NKAIN2: variants seen among roughly 807,000 people sequenced by gnomAD.
The protein encoded by NKAIN2 is sodium/potassium-transporting ATPase subunit beta-1-interacting protein 2.
A neutral mutation model predicts 32.6 loss-of-function variants in NKAIN2; 14 were observed. The ratio of observed to expected loss-of-function variants is 0.43; its 90% CI spans 0.28 to 0.67. The LOEUF (loss-of-function observed/expected upper bound fraction) is 0.67, where lower values mean the gene tolerates loss of function less well. Ranked by LOEUF, NKAIN2 falls within the 30% of genes least tolerant of loss-of-function variation. The pLI is 0.17. For missense variants in NKAIN2, 198 were observed against 258.3 expected, an observed-to-expected ratio of 0.77 and a Z score of 1.60; for synonymous variants, 80 against 87.2, an observed-to-expected ratio of 0.92 and a Z score of 0.46.
intron 1 of NKAIN2, among the ~76,000 whole-genome samples, chr6:124,048,184 C>T (rs1782232044): frequency 6.6e-6 from 1 of 151,938 alleles, no homozygotes; most frequent in African/African-American, 2.4e-5. Context: ...CCTCTGGTTG[C>T]TCCTGAAGAG....
At chr6:124,073,699 A>G (rs1188416331) in intron 1 of NKAIN2, among the ~76,000 whole-genome samples, 1 of 152,116 alleles carries the variant, frequency 6.6e-6, no homozygotes, top group East Asian at 1.9e-4. Flanking sequence ...ATGTTGACTA[A>G]AAAGACAAAT....
chr6:124,744,402 A>T (rs1583778997), intron 4 of NKAIN2, among the ~76,000 whole-genome samples: 1 of 151,916 alleles, frequency 6.6e-6, no homozygotes, highest in Admixed American at 6.6e-5. Flanking sequence ...TTACATTCTC[A>T]TAATGCCTTC....
intron 1 of NKAIN2, among the ~76,000 whole-genome samples, chr6:123,977,532 T>C (rs1778698080): frequency 6.6e-6 from 1 of 152,204 alleles, no homozygotes; most frequent in Non-Finnish European, 1.5e-5. Flanking sequence ...AGGAGGGCTG[T>C]AACTCAGTAG....
At chr6:124,091,514 CCAT>C (rs1221906853) in intron 1 of NKAIN2, among the ~76,000 whole-genome samples, 1 of 151,962 alleles carries the variant, frequency 6.6e-6, no homozygotes, top group African/African-American at 2.4e-5. Context: ...CATTGATTTT[CCAT>C]CAAAGACCAG....
chr6:124,545,507 T>G (rs1034912248), intron 3 of NKAIN2, among the ~76,000 whole-genome samples: 2 of 152,140 alleles, frequency 1.3e-5, no homozygotes, highest in Admixed American at 1.3e-4. Context: ...TATGACAATT[T>G]ACAGCATAGG....
At chr6:123,836,277 A>G (rs1307845290) in intron 1 of NKAIN2, among the ~76,000 whole-genome samples, 1 of 152,072 alleles carries the variant, frequency 6.6e-6, no homozygotes, top group Non-Finnish European at 1.5e-5. Flanking sequence ...AAGGTAATAT[A>G]TGAAAAGGGA....
intron 3 of NKAIN2, among the ~76,000 whole-genome samples, chr6:124,367,927 A>AT (rs1799594105): frequency 6.6e-6 from 1 of 152,090 alleles, no homozygotes; most frequent in African/African-American, 2.4e-5. Flanking sequence ...AGTGGTGTCC[A>AT]TTTTTTAAAA....
At chr6:124,451,552 A>T (rs1371065660) in intron 3 of NKAIN2, among the ~76,000 whole-genome samples, 1 of 152,116 alleles carries the variant, frequency 6.6e-6, no homozygotes, top group Non-Finnish European at 1.5e-5. Context: ...TAGGGTGCTC[A>T]TAAAAGAGGA....
intron 1 of NKAIN2, among the ~76,000 whole-genome samples, chr6:124,059,987 T>A (rs888774655): frequency 6.6e-6 from 1 of 152,034 alleles, no homozygotes; most frequent in Non-Finnish European, 1.5e-5. Flanking sequence ...TTGTTTTCAA[T>A]TTTTTTGTCT....
At chr6:124,088,355 G>T (rs1372297424) in intron 1 of NKAIN2, among the ~76,000 whole-genome samples, 1 of 151,780 alleles carries the variant, frequency 6.6e-6, no homozygotes, top group Non-Finnish European at 1.5e-5. Context: ...CAGAAGTTTG[G>T]GCTCAATCAT....
At chr6:124,345,820 A>G (rs1798394146) in intron 2 of NKAIN2, among the ~76,000 whole-genome samples, 1 of 151,760 alleles carries the variant, frequency 6.6e-6, no homozygotes. Context: ...AGGGTTTTTT[A>G]TGTCTCTATT....
chr6:123,813,063 C>T (rs989298762), intron 1 of NKAIN2, among the ~76,000 whole-genome samples: 4 of 152,234 alleles, frequency 2.6e-5, no homozygotes, highest in Non-Finnish European at 5.9e-5. Flanking sequence ...CACGGGCTTG[C>T]AGCCATAAGA....
chr6:124,037,117 CAG>C (rs1303512302), intron 1 of NKAIN2, among the ~76,000 whole-genome samples: 1 of 152,028 alleles, frequency 6.6e-6, no homozygotes, highest in African/African-American at 2.4e-5. Flanking sequence ...CATTGTCAGG[CAG>C]AGAGGCGAGT....
chr6:124,809,214 A>G (rs1257693161), intron 5 of NKAIN2, among the ~76,000 whole-genome samples: 6 of 151,646 alleles, frequency 4.0e-5, no homozygotes, highest in Admixed American at 3.3e-4. Context: ...GAGGCATCAC[A>G]CTACCTGACT....
intron 1 of NKAIN2, among the ~76,000 whole-genome samples, chr6:124,144,051 AC>A (rs1163049248): frequency 1.3e-5 from 2 of 152,226 alleles, no homozygotes; most frequent in African/African-American, 4.8e-5. Flanking sequence ...TAAATTGAAG[AC>A]AATTTAATGA....
chr6:124,477,705 TCCC>T (rs1777279115), intron 3 of NKAIN2, among the ~76,000 whole-genome samples: 1 of 3,412 alleles, frequency 2.9e-4, no homozygotes, highest in Non-Finnish European at 5.3e-4. Context: ...ATCCTCTCCC[TCCC>T]CCTTACTCTT....
At chr6:124,089,412 A>G (rs977242816) in intron 1 of NKAIN2, among the ~76,000 whole-genome samples, 1 of 151,704 alleles carries the variant, frequency 6.6e-6, no homozygotes, top group Non-Finnish European at 1.5e-5. Context: ...TTTGTTCAGC[A>G]TTTCTATAAT....
chr6:124,043,251 A>G (rs1224531265), intron 1 of NKAIN2, among the ~76,000 whole-genome samples: 2 of 152,014 alleles, frequency 1.3e-5, no homozygotes, highest in Non-Finnish European at 2.9e-5. Flanking sequence ...TAGACTACTC[A>G]GGAGTCTAGG....
chr6:124,187,451 A>G (rs1256598595), intron 1 of NKAIN2, among the ~76,000 whole-genome samples: 1 of 152,140 alleles, frequency 6.6e-6, no homozygotes, highest in Non-Finnish European at 1.5e-5. Flanking sequence ...GCAGCCACCC[A>G]TAGTCCAATT....
Sources: gnomAD v4.1 joint callset for allele counts (sites outside exome capture counted in the v4.1 genomes callset) on GRCh38, gnomAD v4.1.1 for gene constraint, MANE v1.5 for transcripts, NCBI Gene and HGNC (gene_info 2026-07-23, HGNC 2026-07-21) for gene names.